Variants in GRIA3 observed in about 807,000 individuals in gnomAD.
GRIA3 encodes glutamate ionotropic receptor AMPA type subunit 3, also known as glutamate receptor 3.
In GRIA3, 3 loss-of-function variants were observed where a neutral mutation model predicts 63.0. That is an observed-to-expected ratio of 0.05 (90% confidence interval 0.02 to 0.12). The LOEUF is 0.12. Ranked by LOEUF, GRIA3 falls within the 10% of genes least tolerant of loss-of-function variation. GRIA3 has a pLI of 1.00. For synonymous variants in GRIA3, 274 were observed against 257.9 expected (o/e 1.06, Z -0.60); for missense variants, 347 against 700.9 (o/e 0.50, Z 5.70).
chrX:123,285,443 GAC>G (rs2044611613), intron 3 of GRIA3, among the ~76,000 whole-genome samples: 1 of 109,491 alleles, frequency 9.1e-6, no homozygotes, highest in South Asian at 4.0e-4. Flanking sequence ...GCAATTAAAA[GAC>G]ACAGACTGGC....
At chrX:123,192,106 G>T (rs760419609) in intron 2 of GRIA3, among the ~76,000 whole-genome samples, 3 of 111,704 alleles carry the variant, frequency 2.7e-5, no homozygotes, top group Non-Finnish European at 5.6e-5. Context: ...TACACCCGAG[G>T]CATAGGCAGG....
At chrX:123,187,923 A>G (rs990839021) in intron 2 of GRIA3, among the ~76,000 whole-genome samples, 2 of 111,887 alleles carry the variant, frequency 1.8e-5, no homozygotes, top group Admixed American at 1.9e-4. Flanking sequence ...TCTCAGGGCA[A>G]TAAGAGAACA....
intron 7 of GRIA3, among the ~76,000 whole-genome samples, chrX:123,400,505 G>T (rs1025620937): frequency 3.6e-5 from 4 of 112,029 alleles, no homozygotes. Flanking sequence ...TACATTAAAA[G>T]AAATCCCATT....
At chrX:123,294,720 A>G (rs2044675089) in intron 3 of GRIA3, among the ~76,000 whole-genome samples, 1 of 110,902 alleles carries the variant, frequency 9.0e-6, no homozygotes, top group Non-Finnish European at 1.9e-5. Context: ...GGAAACCACC[A>G]TACCAAGATT....
intron 12 of GRIA3, among the ~76,000 whole-genome samples, chrX:123,456,416 GCAGGTAATTCTCA>G (rs1261937727): frequency 4.5e-5 from 5 of 111,474 alleles, no homozygotes; most frequent in Admixed American, 9.6e-5. Context: ...AAGTTGTATG[GCAGGTAATTCTCA>G]CCACAAAAAT....
At chrX:123,242,395 A>C (rs1457878578) in intron 2 of GRIA3, among the ~76,000 whole-genome samples, 2 of 112,126 alleles carry the variant, frequency 1.8e-5, no homozygotes, top group Non-Finnish European at 3.8e-5. Flanking sequence ...ATCCAAAGAC[A>C]TCATAAGAGT....
At chrX:123,409,247 A>G (rs778994169) in intron 10 of GRIA3, among the ~76,000 whole-genome samples, 9 of 112,274 alleles carry the variant, frequency 8.0e-5, no homozygotes, top group African/African-American at 2.9e-4. Flanking sequence ...AAAACAGAGC[A>G]GAGTGGAAAG....
At chrX:123,374,463 C>T (rs1032685497) in intron 5 of GRIA3, among the ~76,000 whole-genome samples, 5 of 111,447 alleles carry the variant, frequency 4.5e-5, no homozygotes, top group African/African-American at 1.6e-4. Flanking sequence ...GCCATTTTCA[C>T]GATATTGATT....
Position 123,456,845 on chromosome X carries a change from G to C in GRIA3, c.2077-8020G>C, listed in dbSNP as rs2045764416. On this transcript the variant is annotated intron_variant, in intron 12 of 15. Coordinates refer to ENST00000620443, the MANE Select transcript of GRIA3 (RefSeq NM_007325.5). The stretch of plus-strand genomic sequence containing the variant: ...TAGAGAAGGCACACAAGGCACACAG[G>C]GGTCCTGTAAGTGTTCCGTTCAGGC... 2.7e-5 allele frequency among the ~76,000 whole-genome samples: 3 copies of C among 111,515 alleles called. No homozygotes were observed. In the Admixed American group the frequency reaches 2.9e-4, roughly 11 times the overall value.
At chrX:123,449,940 C>T (rs1338596021) in intron 12 of GRIA3, among the ~76,000 whole-genome samples, 2 of 111,881 alleles carry the variant, frequency 1.8e-5, no homozygotes, top group African/African-American at 6.5e-5. Flanking sequence ...CTTGATTCTT[C>T]TTCCTCTGGT....
intron 5 of GRIA3, among the ~76,000 whole-genome samples, chrX:123,387,860 T>C (rs1486057970): frequency 8.9e-6 from 1 of 112,461 alleles, no homozygotes; most frequent in Non-Finnish European, 1.9e-5. Context: ...TTTGCATCTA[T>C]GTTCATCATG....
At chrX:123,238,781 G>A (rs1303475788) in intron 2 of GRIA3, among the ~76,000 whole-genome samples, 3 of 105,443 alleles carry the variant, frequency 2.8e-5, no homozygotes, top group Non-Finnish European at 6.1e-5. Context: ...CTCTGGCCTG[G>A]AACAAATCAG....
chrX:123,212,283 T>TA (rs752298275), intron 2 of GRIA3, among the ~76,000 whole-genome samples: 83 of 108,407 alleles, frequency 7.7e-4, no homozygotes, highest in Non-Finnish European at 1.3e-3. Flanking sequence ...TATAAAATGC[T>TA]AAAAAAAAAA....
At chrX:123,431,715 T>C (rs184129507) in intron 12 of GRIA3, among the ~76,000 whole-genome samples, 1 of 112,303 alleles carries the variant, frequency 8.9e-6, no homozygotes, top group Non-Finnish European at 1.9e-5. Context: ...GAAAAAGTAA[T>C]TCCAAAGTTC....
At chrX:123,268,154 G>T (rs1456223695) in intron 3 of GRIA3, among the ~76,000 whole-genome samples, 1 of 111,727 alleles carries the variant, frequency 9.0e-6, no homozygotes, top group Non-Finnish European at 1.9e-5. Flanking sequence ...AAAGAAATTT[G>T]ATGTGATGTT....
Position 123,239,327 on chromosome X carries a change from G to A in GRIA3, c.269-13976G>A, listed in dbSNP as rs748256340. ...CCTGTTTCCTCAGTGCCTGGTTCTC[G>A]TCAGAACTAATCTGACAAACCAATC... On this transcript the variant is annotated intron_variant, in intron 2 of 15. Coordinates refer to ENST00000620443, the MANE Select transcript of GRIA3 (RefSeq NM_007325.5). Among the ~76,000 whole-genome samples the A allele has an allele frequency of 9.1e-5, 10 of 110,419 alleles. No homozygotes were observed. The East Asian group carries it at 2.3e-3, about 25-fold the overall frequency.
intron 2 of GRIA3, among the ~76,000 whole-genome samples, chrX:123,210,435 T>C (rs1445537515): frequency 1.8e-5 from 2 of 111,582 alleles, no homozygotes; most frequent in East Asian, 5.6e-4. Context: ...AAAGTATCTC[T>C]TGCCTTAGCT....
In GRIA3 at chrX:123,253,548, A is replaced by AT. The variant is rs1317250976; in HGVS notation, c.508+6_508+7insT. The AT allele has an allele frequency of 4.3e-5, 52 of 1,199,133 alleles. No individual in the cohort carries two copies. Among genetic ancestry groups the AT allele is most frequent in the Non-Finnish European group, 5.6e-5 (50 of 886,109 alleles). On this transcript the variant is annotated splice_region_variant and intron_variant, in intron 3 of 15. Coordinates refer to ENST00000620443, the MANE Select transcript of GRIA3 (RefSeq NM_007325.5). ...CCTCTATGACACAGAACGAGGTAAG[A>AT]AGAGGCACCTGCTCTGCTCTTTAGA...
intron 10 of GRIA3, among the ~76,000 whole-genome samples, chrX:123,412,108 T>C (rs183877542): frequency 2.3e-4 from 26 of 112,157 alleles, no homozygotes; most frequent in Non-Finnish European, 4.7e-4. Context: ...TTTTCATCAG[T>C]GTGGGCCTCC....
Sources: allele counts gnomAD v4.1 joint callset (sites outside exome capture counted in the v4.1 genomes callset), GRCh38; gene constraint gnomAD v4.1.1; transcripts MANE v1.5; gene names NCBI Gene and HGNC (gene_info 2026-07-23, HGNC 2026-07-21).